Variants in AFDN observed in about 807,000 individuals in gnomAD.
AFDN encodes afadin.
AFDN carries 68 observed loss-of-function variants against 216.6 expected under a neutral mutation model. That is an observed-to-expected ratio of 0.31 (90% CI 0.26 to 0.38). The LOEUF is 0.38. AFDN is among the 10% of genes least tolerant of loss of function. The pLI, the probability that AFDN is intolerant of heterozygous loss-of-function variation, is 1.00. For missense variants in AFDN, 2,136 were observed against 2,342.0 expected, an observed-to-expected ratio of 0.91 and a Z score of 1.82; for synonymous variants, 868 against 853.7, an observed-to-expected ratio of 1.02 and a Z score of -0.29.
At chr6:167,957,742 A>T (rs1478924768) in intron 30 of AFDN, among the ~76,000 whole-genome samples, 4 of 152,132 alleles carry the variant, frequency 2.6e-5, no homozygotes, top group African/African-American at 7.2e-5. Context: ...AGGACCATGG[A>T]GGTGGCCGTG....
intron 12 of AFDN, among the ~76,000 whole-genome samples, chr6:167,905,117 C>A (rs932633751): frequency 6.6e-6 from 1 of 152,174 alleles, no homozygotes; most frequent in African/African-American, 2.4e-5. Context: ...TTGTCTCAGA[C>A]CTCAGCTTAA....
intron 25 of AFDN, 38 bp downstream of exon 25, chr6:167,943,513 A>G (rs1416519834): frequency 6.6e-7 from 1 of 1,515,648 alleles, no homozygotes; most frequent in Non-Finnish European, 9.2e-7. Context: ...TAGTATTAGC[A>G]TTTTTAGGTG....
chr6:167,912,443 T>C (rs1473866646), intron 15 of AFDN, among the ~76,000 whole-genome samples: 1 of 152,216 alleles, frequency 6.6e-6, no homozygotes. Flanking sequence ...AGAATTGTTT[T>C]CAAAGGCCAG....
intron 6 of AFDN, among the ~76,000 whole-genome samples, chr6:167,881,577 A>G (rs1786114034): frequency 6.6e-6 from 1 of 152,222 alleles, no homozygotes; most frequent in Admixed American, 6.5e-5. Flanking sequence ...GAACTTTCTA[A>G]GGCAGTGTTG....
At chr6:167,841,730 T>TA (rs1781097189) in intron 1 of AFDN, among the ~76,000 whole-genome samples, 1 of 151,770 alleles carries the variant, frequency 6.6e-6, no homozygotes, top group South Asian at 2.1e-4. Flanking sequence ...ATATATCAGT[T>TA]AGAGTGTTTC....
chr6:167,899,414 A>G (rs1057133030), intron 11 of AFDN, among the ~76,000 whole-genome samples: 3 of 152,146 alleles, frequency 2.0e-5, no homozygotes, highest in Non-Finnish European at 2.9e-5. Context: ...ATTTCTTTCT[A>G]ACACTTTCAT....
chr6:167,923,620 C>CTTTTTTTTTTTTTTTTTTTTTTTTTTTT (rs35743665), intron 22 of AFDN, among the ~76,000 whole-genome samples: 1 of 111,968 alleles, frequency 8.9e-6, no homozygotes, highest in Non-Finnish European at 1.8e-5. Flanking sequence ...TACCCTAATA[C>CTTTTTTTTTTTTTTTTTTTTTTTTTTTT]TTTTTTTTTT....
rs762110895 is a variant in AFDN, at chr6:167,898,204, G to T, written c.1318-1G>T. 6.2e-7 allele frequency: 1 copy of T among 1,612,798 alleles called. No homozygotes were observed. On this transcript the variant is annotated splice_acceptor_variant, in intron 10 of 33. Coordinates refer to ENST00000683244, the MANE Select transcript of AFDN (RefSeq NM_001386888.1). LOFTEE classifies it high-confidence loss of function. ...TTTCTTTGGTTTCCTTCGGTTTCCA[G>T]TTGTTTGGCCCAGGAATTCAGCCCC...
In AFDN at chr6:167,827,153, C is replaced by T; in HGVS notation, c.21C>T (p.Asp7=). Reference sequence around the variant, plus strand: ...GGACCATGTCGGCGGGCGGCCGTGACGAGGAGCGGCGGAAGCTGGCCGACA... The same window carrying T: ...GGACCATGTCGGCGGGCGGCCGTGATGAGGAGCGGCGGAAGCTGGCCGACA... MSAGGR[D]EERRKLADII... Residue 7 remains aspartate, a synonymous_variant, in exon 1 of 34, where the codon GAC becomes GAT. Coordinates refer to ENST00000683244, the MANE Select transcript of AFDN (RefSeq NM_001386888.1). The T allele has an allele frequency of 6.2e-6, 8 of 1,295,712 alleles. No homozygotes were observed. Among genetic ancestry groups the T allele is most frequent in the Non-Finnish European group, 8.1e-6 (8 of 993,368 alleles). 80.3% of individuals were successfully genotyped at this position (1,295,712 alleles called of 1,614,324 possible). A position where few individuals can be genotyped will look rare whatever the true frequency, so the allele number is the denominator to read the frequency against.
At chr6:167,920,454 G>C (rs1791636353) in intron 21 of AFDN, among the ~76,000 whole-genome samples, 1 of 152,212 alleles carries the variant, frequency 6.6e-6, no homozygotes, top group South Asian at 2.1e-4. Flanking sequence ...CTGCATCTCA[G>C]CAAGTCAGAA....
chr6:167,836,984 TAA>T (rs2128109815), intron 1 of AFDN, among the ~76,000 whole-genome samples: 1 of 152,336 alleles, frequency 6.6e-6, no homozygotes, highest in South Asian at 2.1e-4. Flanking sequence ...GTTTTTAATT[TAA>T]GATTGGCAAA....
chr6:167,851,426 T>C (rs563998230), intron 1 of AFDN, among the ~76,000 whole-genome samples: 29 of 152,344 alleles, frequency 1.9e-4, no homozygotes, highest in African/African-American at 7.0e-4. Flanking sequence ...TTATTTCTTC[T>C]TCCACCCTCC....
At chr6:167,967,463 A>G (rs76974894) in intron 32 of AFDN, among the ~76,000 whole-genome samples, 14,371 of 152,262 alleles carry the variant, frequency 0.094, 845 homozygotes, top group South Asian at 0.21. Flanking sequence ...TGTTGTAAGT[A>G]TCTACAATTT....
chr6:167,906,598 A>G (rs1789720444), intron 12 of AFDN, among the ~76,000 whole-genome samples: 1 of 152,304 alleles, frequency 6.6e-6, no homozygotes, highest in Middle Eastern at 3.4e-3. Context: ...CAAATTCCAT[A>G]CAAATGGTTA....
In AFDN at chr6:167,952,191, A is replaced by G; in HGVS notation, c.4833+4A>G. Reference sequence around the variant, plus strand: ...GGAGGCTGAACGAAGAGCGAGGGTAAAGGGGGGAGTGCTTTGGCTGTGCCC... The same window carrying G: ...GGAGGCTGAACGAAGAGCGAGGGTAGAGGGGGGAGTGCTTTGGCTGTGCCC... On this transcript the variant is annotated splice_donor_region_variant and intron_variant, in intron 30 of 33. Transcript: ENST00000683244. 1.2e-6 allele frequency: 2 copies of G among 1,614,004 alleles called. No individual in the cohort carries two copies. The highest frequency in any genetic ancestry group is 1.7e-6 in the Non-Finnish European group (2 of 1,179,944).
intron 1 of AFDN, among the ~76,000 whole-genome samples, chr6:167,844,947 C>T (rs1265627117): frequency 6.6e-6 from 1 of 151,184 alleles, no homozygotes; most frequent in African/African-American, 2.4e-5. Flanking sequence ...GTAGCCTCGA[C>T]CTCCCAGGCT....
chr6:167,918,335 G>A (rs1246070806), intron 20 of AFDN, among the ~76,000 whole-genome samples: 1 of 152,082 alleles, frequency 6.6e-6, no homozygotes, highest in Non-Finnish European at 1.5e-5. Context: ...ATTTTACATT[G>A]TGTGGGCTTT....
At chr6:167,878,613 C>CTCTG (rs1785717582) in intron 5 of AFDN, among the ~76,000 whole-genome samples, 1 of 152,018 alleles carries the variant, frequency 6.6e-6, no homozygotes, top group Admixed American at 6.6e-5. Context: ...CTCTGTCTCT[C>CTCTG]TCTCTCTCTC....
rs753259309 is a variant in AFDN at position 167,969,942 on chromosome 6, A to G, written c.*7A>G. 6.2e-7 allele frequency: 1 copy of G among 1,602,654 alleles called. No individual in the cohort carries two copies. The highest frequency in any genetic ancestry group is 1.7e-5 in the Admixed American group (1 of 57,448). On this transcript the variant is annotated 3_prime_UTR_variant, in exon 34 of 34. Coordinates refer to ENST00000683244, the MANE Select transcript of AFDN (RefSeq NM_001386888.1). ...TGAACTGAACACAAAGTGAAAGAAAATGAGGAGAACACTTTGTATTTACCC... is the reference window on the plus strand; with the variant it reads ...TGAACTGAACACAAAGTGAAAGAAAGTGAGGAGAACACTTTGTATTTACCC...
Sources: allele counts gnomAD v4.1 joint callset (sites outside exome capture counted in the v4.1 genomes callset), GRCh38; gene constraint gnomAD v4.1.1; transcripts MANE v1.5; gene names NCBI Gene and HGNC (gene_info 2026-07-23, HGNC 2026-07-21).